ZFP36L1: variants seen among roughly 807,000 people sequenced by gnomAD.
ZFP36L1 encodes ZFP36 like 1 zinc finger CCCH-type.
Under a neutral mutation model 16.7 loss-of-function variants are expected in ZFP36L1, and 4 were observed. The observed-to-expected ratio is 0.24, with a 90% CI of 0.12 to 0.55. ZFP36L1 has a LOEUF of 0.55. Ranked by LOEUF, ZFP36L1 falls within the 20% of genes least tolerant of loss-of-function variation. The pLI, the probability that ZFP36L1 is intolerant of heterozygous loss-of-function variation, is 0.94. For synonymous variants in ZFP36L1, 220 were observed against 190.8 expected (o/e 1.15, Z -1.26); for missense variants, 311 against 449.2 (o/e 0.69, Z 2.78).
upstream of ZFP36L1, chr14:68,796,167 C>T (rs201720925): frequency 1.5e-4 from 206 of 1,366,502 alleles, no homozygotes; most frequent in East Asian, 4.5e-5. Context: ...GAGCGCGTCC[C>T]TTCGTGGGGA....
At position 68,790,469 on chromosome 14, in the gene ZFP36L1, A is replaced by G; in HGVS notation, c.81T>C (p.Ser27=). 9 of 1,614,080 alleles carry G rather than the reference A, an allele frequency of 5.6e-6. No individual in the cohort carries two copies. The highest frequency in any genetic ancestry group is 1.1e-5 in the South Asian group (1 of 91,078). ...GCAGGCAACCCCCTGCACTGGGAGC[A>G]CTATAGTTGAGCATCTTGTTACCCT... ...LCKGNKMLNY[S]APSAGGCLLD... is the part of the protein sequence containing the mutation. The change falls in exon 2 of 2, where the codon AGT becomes AGC. Residue 27 remains serine, a synonymous_variant. Coordinates refer to ENST00000439696, the MANE Select transcript of ZFP36L1 (RefSeq NM_004926.4).
chr14:68,793,809 G>A (rs925798423), upstream of ZFP36L1: 2 of 984,850 alleles, frequency 2.0e-6, no homozygotes, highest in African/African-American at 1.7e-5. Context: ...GGGGGGACTA[G>A]GGAAACTTTT....
chr14:68,792,354 C>T (rs1276210434), intron 1 of ZFP36L1, among the ~76,000 whole-genome samples: 1 of 152,316 alleles, frequency 6.6e-6, no homozygotes, highest in Non-Finnish European at 1.5e-5. Context: ...ACTTGTTCTG[C>T]AACATCTTTT....
At position 68,790,270 on chromosome 14, in the gene ZFP36L1, C is replaced by A; in HGVS notation, c.280G>T (p.Gly94Trp). The A allele has an allele frequency of 2.5e-6, 4 of 1,610,836 alleles. No individual in the cohort carries two copies. The highest frequency in any genetic ancestry group is 3.4e-6 in the Non-Finnish European group (4 of 1,179,862). The part of the protein sequence containing the change: ...SRFRDRSFSE[G>W]GERLLPTQKQ... ...TGGGTGGGCAGCAGCCGCTCGCCCC[C>A]TTCCGAGAAGGAGCGGTCTCGGAAG... The change falls in exon 2 of 2, where the codon GGG becomes TGG. Residue 94 changes from glycine (G) to tryptophan (W), a missense_variant. Gly to Trp is a radical substitution (Grantham distance 184, BLOSUM62 -2). Transcript: ENST00000439696.
rs921430357 is a variant in ZFP36L1 at position 68,788,763 on chromosome 14, T to G, written c.*770A>C. ...AAAAAATTAAATCACAAAGTCCCAC[T>G]TAAGTCAAAATCTTCGTCCGCTTTT... On this transcript the variant is annotated 3_prime_UTR_variant, in exon 2 of 2. Coordinates refer to ENST00000439696, the MANE Select transcript of ZFP36L1 (RefSeq NM_004926.4). 1.3e-5 allele frequency: 2 copies of G among 152,660 alleles called. No individual in the cohort carries two copies. The highest frequency in any genetic ancestry group is 2.4e-5 in the African/African-American group (1 of 41,400). 9.5% of individuals were successfully genotyped at this position (152,660 alleles called of 1,614,324 possible).
Position 68,790,151 on chromosome 14 carries a change from G to A in ZFP36L1, c.399C>T (p.Asp133=), listed in dbSNP as rs781476840. 1.2e-6 allele frequency: 2 copies of A among 1,612,150 alleles called. No individual in the cohort carries two copies. Among genetic ancestry groups the A allele is most frequent in the East Asian group, 4.5e-5 (2 of 44,836 alleles). ...GGATGCCGTGTGCGAACTGGCACTTGTCCCCGTACTTACAGGCACCGTTTT... is the reference window on the plus strand; with the variant it reads ...GGATGCCGTGTGCGAACTGGCACTTATCCCCGTACTTACAGGCACCGTTTT... ...FEENGACKYG[D]KCQFAHGIHE... Residue 133 remains aspartate (D), a synonymous_variant, in exon 2 of 2, where the codon GAC becomes GAT. Transcript: ENST00000439696.
chr14:68,789,898 C>T lies in ZFP36L1; in HGVS notation c.652G>A (p.Gly218Arg). Reference protein sequence around the residue: ...PSAAATAAATGLLDSPTSITP... With the variant: ...PSAAATAAATRLLDSPTSITP... ...ATGGACGTGGGGCTGTCCAGCAGCC[C>T]GGTGGCAGCGGCGGTGGCAGCGGCA... The change falls in exon 2 of 2, where the codon GGG (glycine) becomes AGG (arginine). Residue 218 changes from glycine to arginine, a missense_variant. This residue lies in a region of ZFP36L1 where 147 missense variants were observed against 192.0 expected (regional missense o/e 0.77). Transcript: ENST00000439696. The surrounding 1 kb of genome is among the most constrained non-coding windows in gnomAD (Gnocchi z 4.5). 6.2e-7 allele frequency: 1 copy of T among 1,609,164 alleles called. No individual in the cohort carries two copies. Among genetic ancestry groups the T allele is most frequent in the Non-Finnish European group, 8.5e-7 (1 of 1,179,372 alleles).
chr14:68,793,157 G>C, upstream of ZFP36L1: 2 of 1,262,114 alleles, frequency 1.6e-6, no homozygotes, highest in Non-Finnish European at 2.0e-6. Context: ...ATGAGGAAGA[G>C]GAGGAAAAAG....
chr14:68,794,815 T>C (rs1239126851), upstream of ZFP36L1: 1 of 152,524 alleles, frequency 6.6e-6, no homozygotes, highest in African/African-American at 2.4e-5. Flanking sequence ...ATCACAATTG[T>C]TTGAGAAACC....
chr14:68,796,077 G>C (rs1324379753), upstream of ZFP36L1: 2 of 1,355,426 alleles, frequency 1.5e-6, no homozygotes, highest in Admixed American at 3.9e-5. Flanking sequence ...CGCCTCACCT[G>C]CACTGCCGCT....
Position 68,789,174 on chromosome 14 carries a change from T to G in ZFP36L1, c.*359A>C. 4.3e-6 allele frequency: 1 copy of G among 232,072 alleles called. No homozygotes were observed. The highest frequency in any genetic ancestry group is 7.5e-5 in the South Asian group (1 of 13,290). 14.4% of individuals were successfully genotyped at this position (232,072 alleles called of 1,614,324 possible). A position where few individuals can be genotyped will look rare whatever the true frequency, so the allele number is the denominator to read the frequency against. ...TTAGATTACAAGGCACTAAGTTGCT[T>G]CTGTAAACTGTTACTGCTTTTTCTC... is the stretch of plus-strand genomic sequence containing the variant. On this transcript the variant is annotated 3_prime_UTR_variant, in exon 2 of 2. Transcript: ENST00000439696. This position sits in a 1 kb window ranked among gnomAD's most constrained non-coding sequence, Gnocchi z 4.5.
chr14:68,792,879 T>A lies in ZFP36L1; in HGVS notation c.57+3A>T, dbSNP rs777663782. The stretch of plus-strand genomic sequence containing the variant: ...GAAAAGCAAATGCTCCGCCCCCCTT[T>A]ACCTTGCATAAAACTTCGCTCAAGT... On this transcript the variant is annotated splice_donor_region_variant and intron_variant, in intron 1 of 1. Transcript: ENST00000439696. 6.2e-7 allele frequency: 1 copy of A among 1,613,968 alleles called. No individual in the cohort carries two copies.
At chr14:68,791,555 G>C (rs1196364786) in intron 1 of ZFP36L1, among the ~76,000 whole-genome samples, 1 of 151,950 alleles carries the variant, frequency 6.6e-6, no homozygotes, top group Non-Finnish European at 1.5e-5. Context: ...ATCAGCAGGG[G>C]GGGACCGGGA....
chr14:68,790,306 G>C lies in ZFP36L1; in HGVS notation c.244C>G (p.Arg82Gly), dbSNP rs1436019976. Residue 82 changes from arginine (R) to glycine (G), a missense_variant, in exon 2 of 2, where the codon CGA becomes GGA. Arg to Gly is a moderately radical substitution (Grantham distance 125, BLOSUM62 -2). Around this residue, in one of 4 missense-constraint regions of ZFP36L1, gnomAD observed 137 missense variants for 142.6 expected, o/e 0.96. Transcript: ENST00000439696. ...GAGCGGTCTCGGAAGCGGCTGTCTC[G>C]CGAGCTCAGAGCGGGGGCTGGCTCA... ...KGEPAPALSS[R>G]DSRFRDRSFS... 1.2e-6 allele frequency: 2 copies of C among 1,609,778 alleles called. No individual in the cohort carries two copies. The highest frequency in any genetic ancestry group is 1.7e-6 in the Non-Finnish European group (2 of 1,179,062).
chr14:68,788,250 A>T lies in ZFP36L1; in HGVS notation c.*1283T>A, dbSNP rs962829091. On this transcript the variant is annotated 3_prime_UTR_variant, in exon 2 of 2. Transcript: ENST00000439696. ...GACACGTCACAAAATTTTAAGATTA[A>T]TATGAAGATCATAATTTAACATAAA... 3.3e-5 allele frequency: 5 copies of T among 152,256 alleles called. No individual in the cohort carries two copies. Among genetic ancestry groups the T allele is most frequent in the Admixed American group, 2.0e-4 (3 of 15,288 alleles). 9.4% of individuals were successfully genotyped at this position (152,256 alleles called of 1,614,324 possible). A position where few individuals can be genotyped will look rare whatever the true frequency, so the allele number is the denominator to read the frequency against.
rs982558592 is a variant in ZFP36L1 at position 68,787,997 on chromosome 14, A to G, written c.*1536T>C. 6.6e-6 allele frequency: 1 copy of G among 152,550 alleles called. No homozygotes were observed. The highest frequency in any genetic ancestry group is 2.4e-5 in the African/African-American group (1 of 41,392). 9.4% of individuals were successfully genotyped at this position (152,550 alleles called of 1,614,324 possible). On this transcript the variant is annotated 3_prime_UTR_variant, in exon 2 of 2. Coordinates refer to ENST00000439696, the MANE Select transcript of ZFP36L1 (RefSeq NM_004926.4). ...TGTTTTCCTTCTGTACTGTCACAGA[A>G]CTTTTACATACATTCTCAGTCCTAG... is the stretch of plus-strand genomic sequence containing the variant.
At chr14:68,795,748 C>T (rs750116196), upstream of ZFP36L1, 7 of 531,842 alleles carry the variant, frequency 1.3e-5, 1 homozygote, top group South Asian at 9.8e-5. Context: ...GCTCCCAGAG[C>T]CTGTCTCTAT....
At chr14:68,792,779 C>T (rs1594718450) in intron 1 of ZFP36L1, 103 bp downstream of exon 1, 3 of 1,479,590 alleles carry the variant, frequency 2.0e-6, no homozygotes, top group East Asian at 2.3e-5. Flanking sequence ...CATCTCGCTG[C>T]ACCACTTTCC....
chr14:68,794,551 C>A (rs1895197649), upstream of ZFP36L1: 1 of 152,340 alleles, frequency 6.6e-6, no homozygotes, highest in Non-Finnish European at 1.5e-5. Flanking sequence ...CTCCGCCGCC[C>A]CCCTCGGCCC....
Sources: gnomAD v4.1 joint callset for allele counts (sites outside exome capture counted in the v4.1 genomes callset) on GRCh38, gnomAD v4.1.1 for gene constraint, gnomAD v4.1.1 regional missense constraint, Gnocchi (gnomAD v3.1) non-coding constraint, MANE v1.5 for transcripts, NCBI Gene and HGNC (gene_info 2026-07-23, HGNC 2026-07-21) for gene names.